KCNB2: variants seen among roughly 807,000 people sequenced by gnomAD.
KCNB2 encodes potassium voltage-gated channel subfamily B member 2.
Under a neutral mutation model 61.5 loss-of-function variants are expected in KCNB2, and 15 were observed. That is an observed-to-expected ratio of 0.24 (90% confidence interval 0.16 to 0.38). The LOEUF (loss-of-function observed/expected upper bound fraction) is 0.38, where lower values mean the gene tolerates loss of function less well. KCNB2 is among the 10% of genes least tolerant of loss of function. The pLI, the probability that KCNB2 is intolerant of heterozygous loss-of-function variation, is 1.00. For synonymous variants in KCNB2, 457 were observed against 446.0 expected (o/e 1.02, Z -0.31); for missense variants, 828 against 1,125.2 (o/e 0.74, Z 3.78).
chr8:72,778,330 A>G (rs1808691100), intron 2 of KCNB2, among the ~76,000 whole-genome samples: 1 of 152,060 alleles, frequency 6.6e-6, no homozygotes, highest in Non-Finnish European at 1.5e-5. Flanking sequence ...CTTCCTACCA[A>G]TCCTTTCGGT....
intron 2 of KCNB2, among the ~76,000 whole-genome samples, chr8:72,604,601 T>C (rs888661781): frequency 2.0e-5 from 3 of 152,230 alleles, no homozygotes; most frequent in African/African-American, 7.2e-5. Flanking sequence ...TGTATACTCT[T>C]CCCAAAAATC....
At chr8:72,630,286 T>C (rs1805859003) in intron 2 of KCNB2, among the ~76,000 whole-genome samples, 1 of 152,196 alleles carries the variant, frequency 6.6e-6, no homozygotes. Context: ...AAATTTTTTT[T>C]TCTTTTCTAG....
chr8:72,617,789 C>T (rs539073083), intron 2 of KCNB2, among the ~76,000 whole-genome samples: 6 of 152,240 alleles, frequency 3.9e-5, no homozygotes, highest in East Asian at 1.9e-4. Flanking sequence ...ATGCTAAATT[C>T]GCCACCTCCC....
rs139872471 is a variant in KCNB2, at chr8:72,903,978, G to A, written c.580-31957G>A. Reference sequence around the variant, plus strand: ...TATAAACAAATAACCACAGTCCAAAGCTGCCTTACTCCCATTTGAGTAGTA... The same window carrying A: ...TATAAACAAATAACCACAGTCCAAAACTGCCTTACTCCCATTTGAGTAGTA... On this transcript the variant is annotated intron_variant, in intron 2 of 2. Transcript: ENST00000523207. 4.9e-3 allele frequency among the ~76,000 whole-genome samples: 739 copies of A among 152,178 alleles called. 6 individuals carry two copies. The highest frequency in any genetic ancestry group is 0.017 in the African/African-American group (697 of 41,530).
chr8:72,565,135 G>GTC (rs773308166), intron 1 of KCNB2, among the ~76,000 whole-genome samples: 2 of 105,208 alleles, frequency 1.9e-5, no homozygotes, highest in Non-Finnish European at 4.9e-5. Context: ...TGATGAAAAT[G>GTC]TGTGTGTATA....
chr8:72,845,661 A>AT (rs1351306431), intron 2 of KCNB2, among the ~76,000 whole-genome samples: 1 of 152,240 alleles, frequency 6.6e-6, no homozygotes, highest in African/African-American at 2.4e-5. Flanking sequence ...CTAGAGAGGC[A>AT]GTCTGGCTAT....
intron 2 of KCNB2, among the ~76,000 whole-genome samples, chr8:72,755,965 G>A (rs542293961): frequency 6.6e-6 from 1 of 152,300 alleles, no homozygotes; most frequent in East Asian, 1.9e-4. Context: ...GCTTGGGAAA[G>A]CTGGCTCCTG....
At chr8:72,719,043 A>G (rs943123909) in intron 2 of KCNB2, among the ~76,000 whole-genome samples, 3 of 152,176 alleles carry the variant, frequency 2.0e-5, no homozygotes, top group African/African-American at 7.2e-5. Flanking sequence ...ATCTGAAGAA[A>G]ACATCTGAAG....
chr8:72,897,420 CTAAGA>C (rs1417848316), intron 2 of KCNB2, among the ~76,000 whole-genome samples: 1 of 152,100 alleles, frequency 6.6e-6, no homozygotes, highest in Non-Finnish European at 1.5e-5. Flanking sequence ...AGTTTTGCCA[CTAAGA>C]TATTTGAAAT....
rs140511667 is a variant in KCNB2, at chr8:72,578,161, A to G, written c.579+9848A>G. On this transcript the variant is annotated intron_variant, in intron 2 of 2. Transcript: ENST00000523207. The stretch of plus-strand genomic sequence containing the variant: ...CAACAGAGTCATGCTGTGATAAATT[A>G]GATGTATTTCATTAATACAATGGAA... Among the ~76,000 whole-genome samples, 184 of 152,318 alleles carry G rather than the reference A, an allele frequency of 1.2e-3. 1 individual carries two copies. Among genetic ancestry groups the G allele is most frequent in the Non-Finnish European group, 2.3e-3 (159 of 68,032 alleles).
At chr8:72,621,941 A>G (rs1805719387) in intron 2 of KCNB2, among the ~76,000 whole-genome samples, 1 of 152,166 alleles carries the variant, frequency 6.6e-6, no homozygotes, top group Non-Finnish European at 1.5e-5. Flanking sequence ...TTCCTATTTC[A>G]TGTTATTTCA....
intron 2 of KCNB2, chr8:72,751,399 C>T (rs1808185429): frequency 6.6e-6 from 1 of 152,190 alleles, no homozygotes; most frequent in Non-Finnish European, 1.5e-5. Context: ...TAAAAGATTA[C>T]AGACATACTG....
chr8:72,630,842 C>A (rs1036016025), intron 2 of KCNB2, among the ~76,000 whole-genome samples: 5 of 152,006 alleles, frequency 3.3e-5, no homozygotes, highest in African/African-American at 1.2e-4. Context: ...ATCAGGACAC[C>A]CCTTGATAAA....
intron 2 of KCNB2, among the ~76,000 whole-genome samples, chr8:72,778,848 ATATAT>A (rs886958614): frequency 6.6e-6 from 1 of 151,840 alleles, no homozygotes; most frequent in African/African-American, 2.4e-5. Context: ...TATCAGAGTC[ATATAT>A]TATATCCCAA....
At chr8:72,566,531 C>T (rs1806627811) in intron 1 of KCNB2, among the ~76,000 whole-genome samples, 1 of 41,192 alleles carries the variant, frequency 2.4e-5, no homozygotes, top group Admixed American at 3.0e-4. Flanking sequence ...GAGACCCTGT[C>T]TCTAAAAAAA....
intron 2 of KCNB2, among the ~76,000 whole-genome samples, chr8:72,906,810 C>T (rs961649472): frequency 2.0e-5 from 3 of 152,130 alleles, no homozygotes; most frequent in Non-Finnish European, 2.9e-5. Context: ...CCTTGTAGGA[C>T]GCACTGGGCA....
At chr8:72,897,339 C>T (rs1806008659) in intron 2 of KCNB2, among the ~76,000 whole-genome samples, 2 of 152,018 alleles carry the variant, frequency 1.3e-5, no homozygotes, top group South Asian at 4.1e-4. Flanking sequence ...GCCTCCAGAT[C>T]CTAACTCATC....
chr8:72,626,407 A>G (rs1018232004), intron 2 of KCNB2, among the ~76,000 whole-genome samples: 5 of 152,218 alleles, frequency 3.3e-5, no homozygotes, highest in Non-Finnish European at 7.3e-5. Flanking sequence ...GTAATCAATC[A>G]CACTCAGAAT....
At chr8:72,566,089 T>TAGAAC (rs1267075293) in intron 1 of KCNB2, among the ~76,000 whole-genome samples, 1 of 152,086 alleles carries the variant, frequency 6.6e-6, no homozygotes, top group Non-Finnish European at 1.5e-5. Context: ...AAAATGTTTC[T>TAGAAC]AGAACACAGT....
Sources: gnomAD v4.1 joint callset for allele counts (sites outside exome capture counted in the v4.1 genomes callset) on GRCh38, gnomAD v4.1.1 for gene constraint, MANE v1.5 for transcripts, NCBI Gene and HGNC (gene_info 2026-07-23, HGNC 2026-07-21) for gene names.